The following NIT2 variants were observed in gnomAD, a reference collection of about 807,000 sequenced individuals.
NIT2 encodes the protein omega-amidase NIT2.
NIT2 carries 46 observed loss-of-function variants against 42.7 expected under a neutral mutation model. The observed-to-expected ratio is 1.08, with a 90% CI of 0.85 to 1.38. The LOEUF is 1.38. Among genes scored for constraint, NIT2 ranks in the 40% most tolerant of loss-of-function variants. The probability of loss-of-function intolerance (pLI) is 0.00; values close to 1 mark genes in which losing one functional copy is unlikely to be tolerated. For missense variants in NIT2, 309 were observed against 342.5 expected (o/e 0.90, Z 0.77); for synonymous variants, 123 against 121.9 (o/e 1.01, Z -0.06).
At chr3:100,340,451 G>C (rs1706136490) in intron 3 of NIT2, among the ~76,000 whole-genome samples, 1 of 152,074 alleles carries the variant, frequency 6.6e-6, no homozygotes, top group African/African-American at 2.4e-5. Context: ...TATTTTTGTG[G>C]TTTTGGAATA....
intron 6 of NIT2, among the ~76,000 whole-genome samples, chr3:100,347,389 C>G (rs1706228459): frequency 6.6e-6 from 1 of 152,190 alleles, no homozygotes; most frequent in Non-Finnish European, 1.5e-5. Flanking sequence ...AGCCACCGCA[C>G]CCAGCCAGAG....
Position 100,355,370 on chromosome 3 carries a change from C to T in NIT2, c.*102C>T. 1 of 812,274 alleles carries T rather than the reference C, an allele frequency of 1.2e-6. No homozygotes were observed. Among genetic ancestry groups the T allele is most frequent in the Non-Finnish European group, 2.0e-6 (1 of 508,062 alleles). 50.3% of individuals were successfully genotyped at this position (812,274 alleles called of 1,614,324 possible). ...ATGAAGATTTTTTTTTTAATTCGGC[C>T]TTGTCCTTCCTAGGTTCTCTATTGA... On this transcript the variant is annotated 3_prime_UTR_variant, in exon 10 of 10. Coordinates refer to ENST00000394140, the MANE Select transcript of NIT2 (RefSeq NM_020202.5).
intron 4 of NIT2, 103 bp downstream of exon 4, chr3:100,341,264 C>T: frequency 5.2e-6 from 4 of 764,580 alleles, no homozygotes; most frequent in South Asian, 3.0e-5. Context: ...CATTATATCA[C>T]ACATGTATTA....
rs568197062 is a variant in NIT2 at position 100,352,594 on chromosome 3, A to G, written c.683+92A>G. The G allele has an allele frequency of 2.5e-5, 22 of 874,044 alleles. No homozygotes were observed. In the South Asian group the frequency reaches 2.9e-4, roughly 12 times the overall value. 54.1% of individuals were successfully genotyped at this position (874,044 alleles called of 1,614,324 possible). A position where few individuals can be genotyped will look rare whatever the true frequency, so the allele number is the denominator to read the frequency against. On this transcript the variant is annotated intron_variant, in intron 8 of 9. Transcript: ENST00000394140. ...TGGGTTTTCTGGTTCCTGAGCAGCC[A>G]GGCGCTCACTTCTCACTCCCATTTC...
intron 4 of NIT2, among the ~76,000 whole-genome samples, chr3:100,344,485 A>T (rs1706190399): frequency 6.6e-6 from 1 of 152,342 alleles, no homozygotes; most frequent in Non-Finnish European, 1.5e-5. Context: ...TCTTTTTAGT[A>T]TTAAGTTTTC....
intron 4 of NIT2, among the ~76,000 whole-genome samples, chr3:100,344,755 CTTCTT>C (rs1376132497): frequency 6.6e-6 from 1 of 151,648 alleles, no homozygotes; most frequent in East Asian, 1.9e-4. Context: ...AAGCTGTTCT[CTTCTT>C]TCAGCTTCCC....
intron 9 of NIT2, 76 bp downstream of exon 9, chr3:100,354,903 C>A: frequency 7.8e-7 from 1 of 1,283,566 alleles, no homozygotes; most frequent in Non-Finnish European, 1.1e-6. Flanking sequence ...GCTGGGAAGT[C>A]CCTGTCATTT....
At chr3:100,344,627 A>G (rs537232340) in intron 4 of NIT2, among the ~76,000 whole-genome samples, 1 of 151,856 alleles carries the variant, frequency 6.6e-6, no homozygotes, top group South Asian at 2.1e-4. Flanking sequence ...GTGTTTTTAG[A>G]TGCTCTTTCA....
chr3:100,347,903 T>A (rs1706234146), intron 6 of NIT2, among the ~76,000 whole-genome samples: 1 of 152,116 alleles, frequency 6.6e-6, no homozygotes, highest in East Asian at 1.9e-4. Context: ...TTTCCTTTTT[T>A]TTTTTGAGAC....
chr3:100,353,990 G>C (rs1706300092), intron 8 of NIT2, among the ~76,000 whole-genome samples: 1 of 152,110 alleles, frequency 6.6e-6, no homozygotes, highest in South Asian at 2.1e-4. Context: ...TAGCCAGGCT[G>C]GTCTCGATCT....
At position 100,337,138 on chromosome 3, in the gene NIT2, T is replaced by C. The variant is rs1245505546; in HGVS notation, c.8-1949T>C. ...TAACCCTGAGTGGACACAGCACATG[T>C]TTCAGAGAGCTCGGGGTTGGGAGTA... On this transcript the variant is annotated intron_variant, in intron 1 of 9. Transcript: ENST00000394140. Among the ~76,000 whole-genome samples, 4 of 152,208 alleles carry C rather than the reference T, an allele frequency of 2.6e-5. No homozygotes were observed. In the East Asian group the frequency reaches 7.7e-4, roughly 29 times the overall value.
chr3:100,356,922 A>C lies in NIT2; in HGVS notation c.*1654A>C, dbSNP rs1706330468. The C allele has an allele frequency of 6.6e-6, 1 of 152,146 alleles. No individual in the cohort carries two copies. The highest frequency in any genetic ancestry group is 1.5e-5 in the Non-Finnish European group (1 of 68,022). The allele number at this position is 152,146 out of a possible 1,614,324, so 9.4% of individuals were successfully genotyped here. Reference sequence around the variant, plus strand: ...TTCACTCAAAATCACTTGGAACTCAAAATTACTTCTTTCACTCAAAATCAC... The same window carrying C: ...TTCACTCAAAATCACTTGGAACTCACAATTACTTCTTTCACTCAAAATCAC... On this transcript the variant is annotated 3_prime_UTR_variant, in exon 10 of 10. Coordinates refer to ENST00000394140, the MANE Select transcript of NIT2 (RefSeq NM_020202.5).
At chr3:100,352,729 C>T (rs1243253582) in intron 8 of NIT2, among the ~76,000 whole-genome samples, 3 of 152,186 alleles carry the variant, frequency 2.0e-5, no homozygotes, top group Admixed American at 6.5e-5. Context: ...TGGCCTTAGC[C>T]CTCTTCTGAG....
chr3:100,335,560 T>C (rs985176735), intron 1 of NIT2, among the ~76,000 whole-genome samples: 7 of 150,952 alleles, frequency 4.6e-5, no homozygotes, highest in African/African-American at 1.5e-4. Flanking sequence ...AGTGGCGGGG[T>C]TTCCCTGCTG....
In NIT2 at chr3:100,352,403, G is replaced by A; in HGVS notation, c.585-1G>A. 6.2e-7 allele frequency: 1 copy of A among 1,610,596 alleles called. No individual in the cohort carries two copies. The highest frequency in any genetic ancestry group is 8.5e-7 in the Non-Finnish European group (1 of 1,177,204). On this transcript the variant is annotated splice_acceptor_variant, in intron 7 of 9. Coordinates refer to ENST00000394140, the MANE Select transcript of NIT2 (RefSeq NM_020202.5). LOFTEE classifies it high-confidence loss of function. Reference sequence around the variant, plus strand: ...ACCTCTTTCCTGTCTATTGACTACAGGGCTGTTGATAATCAGGTGTATGTG... The same window carrying A: ...ACCTCTTTCCTGTCTATTGACTACAAGGCTGTTGATAATCAGGTGTATGTG...
rs185112901 is a variant in NIT2, at chr3:100,337,162, T to G, written c.8-1925T>G. 1.3e-3 allele frequency among the ~76,000 whole-genome samples: 192 copies of G among 152,160 alleles called. 1 individual carries two copies. Among genetic ancestry groups the G allele is most frequent in the African/African-American group, 4.3e-3 (177 of 41,522 alleles). ...GTTTCAGAGAGCTCGGGGTTGGGAG[T>G]AAGGTTATAGTTTAACAGCATCTCA... On this transcript the variant is annotated intron_variant, in intron 1 of 9. Coordinates refer to ENST00000394140, the MANE Select transcript of NIT2 (RefSeq NM_020202.5).
chr3:100,346,006 C>T (rs1706212872), intron 5 of NIT2, 175 bp from the exon 6 acceptor site: 4 of 615,016 alleles, frequency 6.5e-6, no homozygotes, highest in African/African-American at 3.7e-5. Flanking sequence ...TAAATGATGT[C>T]TTTATGAGAT....
rs896513933 is a variant in NIT2, at chr3:100,359,724, A to G, written c.*4456A>G. On this transcript the variant is annotated 3_prime_UTR_variant, in exon 10 of 10. Coordinates refer to ENST00000394140, the MANE Select transcript of NIT2 (RefSeq NM_020202.5). ...ATCTCAGCTACATGCATGGTCTTCA[A>G]TATATGCCGATAATTCTCATTCACA... The G allele has an allele frequency of 6.6e-6, 1 of 152,210 alleles. No individual in the cohort carries two copies. The highest frequency in any genetic ancestry group is 1.5e-5 in the Non-Finnish European group (1 of 68,050). 9.4% of individuals were successfully genotyped at this position (152,210 alleles called of 1,614,324 possible). A position where few individuals can be genotyped will look rare whatever the true frequency, so the allele number is the denominator to read the frequency against.
At chr3:100,345,560 A>G in intron 4 of NIT2, 25 bp from the exon 5 acceptor site, 1 of 1,530,486 alleles carries the variant, frequency 6.5e-7, no homozygotes, top group South Asian at 1.1e-5. Context: ...AAAAGAGGTA[A>G]CCAAATCCAT....
Sources: allele counts gnomAD v4.1 joint callset (sites outside exome capture counted in the v4.1 genomes callset), GRCh38; gene constraint gnomAD v4.1.1; transcripts MANE v1.5; gene names NCBI Gene and HGNC (gene_info 2026-07-23, HGNC 2026-07-21).